Variants in DPP7 observed in about 807,000 individuals in gnomAD.
DPP7 encodes dipeptidyl peptidase 2.
DPP7 carries 74 observed loss-of-function variants against 58.8 expected under a neutral mutation model. The observed-to-expected ratio is 1.26, with a 90% CI of 1.04 to 1.53. The LOEUF is 1.53. Ranked by LOEUF, DPP7 falls within the 40% of genes most tolerant of loss-of-function variation. The pLI is 0.00. For synonymous variants in DPP7, 350 were observed against 303.6 expected (o/e 1.15, Z -1.59); for missense variants, 807 against 692.3 (o/e 1.17, Z -1.86).
rs1338488379 is a variant in DPP7 at position 137,114,399 on chromosome 9, T to A, written c.182-17A>T. ...AGAACCTGTCTGTGGGGAGGGCGGA[T>A]GAGGCGAGGGTGCCGGGGGGCGGCG... On this transcript the variant is annotated splice_polypyrimidine_tract_variant and intron_variant, in intron 2 of 12. Transcript: ENST00000371579. The A allele has an allele frequency of 5.7e-6, 9 of 1,588,790 alleles. No homozygotes were observed. Among genetic ancestry groups the A allele is most frequent in the Non-Finnish European group, 7.7e-6 (9 of 1,168,832 alleles).
intron 8 of DPP7, 87 bp downstream of exon 8, chr9:137,112,658 C>A: frequency 6.8e-7 from 1 of 1,471,220 alleles, no homozygotes; most frequent in Admixed American, 2.0e-5. Flanking sequence ...CCTGGCCGGG[C>A]TGCGGATCCT....
Position 137,111,937 on chromosome 9 carries a change from G to A in DPP7, c.1143C>T (p.Tyr381=). The A allele has an allele frequency of 6.2e-7, 1 of 1,613,412 alleles. No individual in the cohort carries two copies. Among genetic ancestry groups the A allele is most frequent in the Non-Finnish European group, 8.5e-7 (1 of 1,179,770 alleles). ...GCCACACGCCCCAGGTGTCCAGGCA[G>A]TACCGCTGGCGGAGCTCGTCAGTGA... ...LPFTDELRQR[Y]CLDTWGVWPR... Residue 381 remains tyrosine, a synonymous_variant, in exon 10 of 13, where the codon TAC becomes TAT. Coordinates refer to ENST00000371579, the MANE Select transcript of DPP7 (RefSeq NM_013379.3).
At position 137,112,750 on chromosome 9, in the gene DPP7, A is replaced by G. The variant is rs1258833333; in HGVS notation, c.926T>C (p.Leu309Pro). 12 of 1,604,886 alleles carry G rather than the reference A, an allele frequency of 7.5e-6. No individual in the cohort carries two copies. The highest frequency in any genetic ancestry group is 4.0e-5 in the African/African-American group (3 of 74,866). ...TGGGGCCGGGGGAAGGGCACCTGCC[A>G]GTGCTCGCAGCCCCGTGATCCTCTG... The part of the protein sequence containing the change: ...EAQRITGLRA[L>P]AGLVYNASGS... The change falls in exon 8 of 13, where the codon CTG becomes CCG. Residue 309 changes from leucine to proline, a missense_variant. This residue lies in a region of DPP7 where 624 missense variants were observed against 531.2 expected (regional missense o/e 1.17). Transcript: ENST00000371579.
chr9:137,113,297 A>G lies in DPP7; in HGVS notation c.622-10T>C. 1.2e-6 allele frequency: 2 copies of G among 1,613,618 alleles called. No individual in the cohort carries two copies. The highest frequency in any genetic ancestry group is 1.7e-6 in the Non-Finnish European group (2 of 1,179,962). Reference sequence around the variant, plus strand: ...TCTGGCCCTCAAAGTCCTGGGGGAAAGAGACCGTGCTGACTGCAGCTGCTG... The same window carrying G: ...TCTGGCCCTCAAAGTCCTGGGGGAAGGAGACCGTGCTGACTGCAGCTGCTG... On this transcript the variant is annotated splice_polypyrimidine_tract_variant and intron_variant, in intron 5 of 12. Coordinates refer to ENST00000371579, the MANE Select transcript of DPP7 (RefSeq NM_013379.3).
intron 4 of DPP7, 179 bp from the exon 5 acceptor site, chr9:137,113,675 C>G: frequency 7.0e-7 from 1 of 1,425,562 alleles, no homozygotes. Flanking sequence ...GCCGCACATC[C>G]AAGCTGAGCA....
At chr9:137,113,840 T>TGG in intron 4 of DPP7, 25 bp downstream of exon 4, 1 of 785,470 alleles carries the variant, frequency 1.3e-6, no homozygotes, top group Non-Finnish European at 1.6e-6. Context: ...AGGGAGGGGG[T>TGG]GCGGAGGCCG....
intron 3 of DPP7, 82 bp from the exon 4 acceptor site, chr9:137,114,110 CCGG>C: frequency 6.0e-6 from 2 of 331,094 alleles, no homozygotes; most frequent in Non-Finnish European, 9.3e-6. Context: ...GCGACCCCGC[CCGG>C]CACCCGCGTG....
In DPP7 at chr9:137,112,103, C is replaced by A; in HGVS notation, c.1050+9G>T. 1 of 1,611,826 alleles carries A rather than the reference C, an allele frequency of 6.2e-7. No homozygotes were observed. Among genetic ancestry groups the A allele is most frequent in the Admixed American group, 1.7e-5 (1 of 59,942 alleles). ...CCCGAGTGGTTCCAGGCCACCCACA[C>A]CCCCACACCTGGTAGTCCCAGGCCC... On this transcript the variant is annotated intron_variant, in intron 9 of 12. Coordinates refer to ENST00000371579, the MANE Select transcript of DPP7 (RefSeq NM_013379.3).
Position 137,113,896 on chromosome 9 carries a change from G to T in DPP7, c.454C>A (p.Gln152Lys). ...CCGAAGGCGATGGCGGGGGCATCCT[G>T]GGCCCCGAGGTCGCGTCGTAGCGCG... ...LRALRRDLGA[Q>K]DAPAIAFGGS... The change falls in exon 4 of 13, where the codon CAG (glutamine) becomes AAG (lysine). Residue 152 changes from glutamine to lysine, a missense_variant. This residue lies in a region of DPP7 where 624 missense variants were observed against 531.2 expected (regional missense o/e 1.17). Coordinates refer to ENST00000371579, the MANE Select transcript of DPP7 (RefSeq NM_013379.3). The T allele has an allele frequency of 6.4e-7, 1 of 1,566,690 alleles. No individual in the cohort carries two copies. The highest frequency in any genetic ancestry group is 2.3e-5 in the East Asian group (1 of 43,278).
In DPP7 at chr9:137,114,378, C is replaced by CCTGT; in HGVS notation, c.182_185dup (p.Phe63GlnfsTer149). 68 of 1,602,644 alleles carry CCTGT rather than the reference C, an allele frequency of 4.2e-5. No homozygotes were observed. Among genetic ancestry groups the CCTGT allele is most frequent in the Non-Finnish European group, 5.6e-5 (66 of 1,175,724 alleles). On this transcript the variant is annotated frameshift_variant, in exon 3 of 13. Coordinates refer to ENST00000371579, the MANE Select transcript of DPP7 (RefSeq NM_013379.3). LOFTEE classifies it high-confidence loss of function. ...TGGGCCCCTCGCCCCGGACCCAGAA[C>CCTGT]CTGTCTGTGGGGAGGGCGGATGAGG...
chr9:137,113,042 A>G lies in DPP7; in HGVS notation c.781T>C (p.Phe261Leu), dbSNP rs1831454393. 3.7e-6 allele frequency: 6 copies of G among 1,613,842 alleles called. No individual in the cohort carries two copies. Among genetic ancestry groups the G allele is most frequent in the Non-Finnish European group, 4.2e-6 (5 of 1,180,010 alleles). Residue 261 changes from phenylalanine (F) to leucine (L), a missense_variant, in exon 7 of 13, where the codon TTC (phenylalanine) becomes CTC (leucine). Phe to Leu is a conservative substitution (Grantham distance 22, BLOSUM62 0). Coordinates refer to ENST00000371579, the MANE Select transcript of DPP7 (RefSeq NM_013379.3). ...AGCACGGTGAAGGCATTCCGGGCGAACATGAAGAGCTGGGTCAGGTCCTTC... is the reference window on the plus strand; with the variant it reads ...AGCACGGTGAAGGCATTCCGGGCGAGCATGAAGAGCTGGGTCAGGTCCTTC... ...DEKDLTQLFM[F>L]ARNAFTVLAM...
chr9:137,116,926 T>G (rs1405478432), upstream of DPP7, among the ~76,000 whole-genome samples: 2 of 152,258 alleles, frequency 1.3e-5, no homozygotes, highest in Non-Finnish European at 2.9e-5. Context: ...CTGGCCTACG[T>G]GCACATCCGG....
At position 137,113,880 on chromosome 9, in the gene DPP7, A is replaced by G; in HGVS notation, c.470T>C (p.Ile157Thr). ...RDLGAQDAPA[I>T]AFGGSYGGML... ...AGGCGCCCACCTTCCACCGAAGGCG[A>G]TGGCGGGGGCATCCTGGGCCCCGAG... is the stretch of plus-strand genomic sequence containing the variant. Residue 157 changes from isoleucine to threonine, a missense_variant, in exon 4 of 13, where the codon ATC (isoleucine) becomes ACC (threonine). Around this residue, in one of 3 missense-constraint regions of DPP7, gnomAD observed 624 missense variants for 531.2 expected, o/e 1.17. Transcript: ENST00000371579. 6.4e-7 allele frequency: 1 copy of G among 1,554,082 alleles called. No individual in the cohort carries two copies. Among genetic ancestry groups the G allele is most frequent in the Non-Finnish European group, 8.7e-7 (1 of 1,155,350 alleles).
At chr9:137,117,267 C>T (rs1016606299), upstream of DPP7, among the ~76,000 whole-genome samples, 3 of 152,254 alleles carry the variant, frequency 2.0e-5, no homozygotes, top group Non-Finnish European at 2.9e-5. Flanking sequence ...GGCCCAACTT[C>T]TGCAGGAGGA....
chr9:137,116,749 C>T (rs144368029), upstream of DPP7, among the ~76,000 whole-genome samples: 20 of 152,338 alleles, frequency 1.3e-4, no homozygotes, highest in East Asian at 2.9e-3. Context: ...CTTCTGTCTC[C>T]GACATGCCCC....
chr9:137,113,918 C>T lies in DPP7; in HGVS notation c.432G>A (p.Ala144=). ...CCTGGGCCCCGAGGTCGCGTCGTAG[C>T]GCGCGGAGCAGCTCTGCGAAGTCGG... is the stretch of plus-strand genomic sequence containing the variant. ...ALADFAELLR[A]LRRDLGAQDA... The change falls in exon 4 of 13, where the codon GCG becomes GCA. Residue 144 remains alanine (A), a synonymous_variant. Coordinates refer to ENST00000371579, the MANE Select transcript of DPP7 (RefSeq NM_013379.3). 1 of 1,576,278 alleles carries T rather than the reference C, an allele frequency of 6.3e-7. No individual in the cohort carries two copies. The highest frequency in any genetic ancestry group is 8.6e-7 in the Non-Finnish European group (1 of 1,166,954).
intron 4 of DPP7, 31 bp from the exon 5 acceptor site, chr9:137,113,527 GC>G: frequency 1.3e-6 from 2 of 1,521,148 alleles, no homozygotes. Flanking sequence ...TAGGGCTGCT[GC>G]CCCCAACACC....
chr9:137,111,547 T>C, intron 11 of DPP7, 143 bp downstream of exon 11: 2 of 871,338 alleles, frequency 2.3e-6, no homozygotes, highest in South Asian at 1.6e-5. Context: ...TCCCAGTTAC[T>C]GGGAGGCTTG....
In DPP7 at chr9:137,113,955, T is replaced by C; in HGVS notation, c.395A>G (p.Glu132Gly). 1 of 1,587,822 alleles carries C rather than the reference T, an allele frequency of 6.3e-7. No homozygotes were observed. Among genetic ancestry groups the C allele is most frequent in the Non-Finnish European group, 8.5e-7 (1 of 1,172,814 alleles). ...CTCTGCGAAGTCGGCCAGGGCCTGCTCCACCGTCAGCAGCTCCGTGTGCCC... is the reference window on the plus strand; with the variant it reads ...CTCTGCGAAGTCGGCCAGGGCCTGCCCCACCGTCAGCAGCTCCGTGTGCCC... The part of the protein sequence containing the change: ...QRGHTELLTV[E>G]QALADFAELL... The change falls in exon 4 of 13, where the codon GAG becomes GGG. Residue 132 changes from glutamate (E) to glycine (G), a missense_variant. Glu to Gly is a moderately conservative substitution (Grantham distance 98, BLOSUM62 -2). Around this residue, in one of 3 missense-constraint regions of DPP7, gnomAD observed 624 missense variants for 531.2 expected, o/e 1.17. Coordinates refer to ENST00000371579, the MANE Select transcript of DPP7 (RefSeq NM_013379.3).
Sources: gnomAD v4.1 joint callset for allele counts (sites outside exome capture counted in the v4.1 genomes callset) on GRCh38, gnomAD v4.1.1 for gene constraint, gnomAD v4.1.1 regional missense constraint, MANE v1.5 for transcripts, NCBI Gene and HGNC (gene_info 2026-07-23, HGNC 2026-07-21) for gene names.